ITPR2: variants seen among roughly 807,000 people sequenced by gnomAD.
ITPR2 encodes the protein inositol 1,4,5-trisphosphate-gated calcium channel ITPR2.
Under a neutral mutation model 317.1 loss-of-function variants are expected in ITPR2, and 207 were observed. The ratio of observed to expected loss-of-function variants is 0.65; its 90% CI spans 0.58 to 0.73. ITPR2 has a LOEUF of 0.73. Ranked by LOEUF, ITPR2 falls within the 30% of genes least tolerant of loss-of-function variation. The pLI is 0.00. For synonymous variants in ITPR2, 1,156 were observed against 1,149.1 expected (o/e 1.01, Z -0.12); for missense variants, 2,613 against 3,284.0 (o/e 0.80, Z 4.99).
chr12:26,653,207 C>A (rs556070089), intron 21 of ITPR2, among the ~76,000 whole-genome samples: 11 of 150,078 alleles, frequency 7.3e-5, no homozygotes, highest in South Asian at 2.1e-4. Flanking sequence ...CCTTCTCTGG[C>A]GTGATACTTT....
chr12:26,454,280 T>C (rs909367768), intron 45 of ITPR2, among the ~76,000 whole-genome samples: 1 of 152,148 alleles, frequency 6.6e-6, no homozygotes, highest in Non-Finnish European at 1.5e-5. Context: ...TCTCAGCTGA[T>C]GGCAACCTCT....
In ITPR2 at chr12:26,491,840, G is replaced by A. The variant is rs573758682; in HGVS notation, c.5370+2313C>T. On this transcript the variant is annotated intron_variant, in intron 39 of 56. Coordinates refer to ENST00000381340, the MANE Select transcript of ITPR2 (RefSeq NM_002223.4). ...GAGGCAATGGCAAAAGGAGCAGTGC[G>A]TGTATGGAGAGCAACAGCAGACTCC... 9.2e-5 allele frequency among the ~76,000 whole-genome samples: 14 copies of A among 152,344 alleles called. No homozygotes were observed. The South Asian group carries it at 1.0e-3, about 11-fold the overall frequency.
chr12:26,582,723 G>A (rs1945433666), intron 32 of ITPR2, among the ~76,000 whole-genome samples: 1 of 152,180 alleles, frequency 6.6e-6, no homozygotes, highest in African/African-American at 2.4e-5. Context: ...ATGAGGGTAT[G>A]TAGACAGTTT....
At position 26,338,328 on chromosome 12, in the gene ITPR2, A is replaced by G. The variant is rs1937989052; in HGVS notation, c.*1069T>C. 1 of 152,650 alleles carries G rather than the reference A, an allele frequency of 6.6e-6. No individual in the cohort carries two copies. The highest frequency in any genetic ancestry group is 2.1e-4 in the South Asian group (1 of 4,834). 9.5% of individuals were successfully genotyped at this position (152,650 alleles called of 1,614,324 possible). ...CATTTTGAAAAGCCCTTACAGATAC[A>G]GTTTTAAATATGTAATTGAAATGTG... On this transcript the variant is annotated 3_prime_UTR_variant, in exon 57 of 57. Coordinates refer to ENST00000381340, the MANE Select transcript of ITPR2 (RefSeq NM_002223.4).
rs538418274 is a variant in ITPR2, at chr12:26,594,638, C to T, written c.4380+827G>A. 2.0e-5 allele frequency among the ~76,000 whole-genome samples: 3 copies of T among 152,104 alleles called. No homozygotes were observed. In the East Asian group the frequency reaches 5.8e-4, roughly 29 times the overall value. On this transcript the variant is annotated intron_variant, in intron 32 of 56. Transcript: ENST00000381340. ...ATAGGTCTAAGGAGTTATCTATATACTGTCTTCTTTAGTGAAACTTTATTT... is the reference window on the plus strand; with the variant it reads ...ATAGGTCTAAGGAGTTATCTATATATTGTCTTCTTTAGTGAAACTTTATTT...
chr12:26,567,988 ATATATATATT>A (rs1945039772), intron 34 of ITPR2, among the ~76,000 whole-genome samples: 3 of 111,870 alleles, frequency 2.7e-5, no homozygotes, highest in African/African-American at 1.2e-4. Context: ...TTATATATAT[ATATATATATT>A]ATATATATTA....
chr12:26,593,048 G>A (rs1258199351), intron 32 of ITPR2, among the ~76,000 whole-genome samples: 1 of 152,158 alleles, frequency 6.6e-6, no homozygotes, highest in Non-Finnish European at 1.5e-5. Flanking sequence ...GCCCAGAGGG[G>A]TTAAGTACTT....
At chr12:26,455,830 TGTAA>T (rs1290377200) in intron 45 of ITPR2, among the ~76,000 whole-genome samples, 1 of 152,186 alleles carries the variant, frequency 6.6e-6, no homozygotes, top group Non-Finnish European at 1.5e-5. Flanking sequence ...CTGCCTGCAA[TGTAA>T]GTGTCTTGGG....
At chr12:26,757,443 C>T (rs56235454) in intron 2 of ITPR2, among the ~76,000 whole-genome samples, 1,895 of 152,100 alleles carry the variant, frequency 0.012, 44 homozygotes, top group African/African-American at 0.043. Context: ...CTCGAACTCC[C>T]GACCTCAGGG....
chr12:26,757,218 T>TC (rs1949539876), intron 2 of ITPR2, among the ~76,000 whole-genome samples: 1 of 143,358 alleles, frequency 7.0e-6, no homozygotes, highest in Non-Finnish European at 1.6e-5. Flanking sequence ...TCCTTTACTT[T>TC]CTTTTTTTTT....
At chr12:26,642,732 A>T (rs1331824257) in intron 21 of ITPR2, among the ~76,000 whole-genome samples, 1 of 152,264 alleles carries the variant, frequency 6.6e-6, no homozygotes, top group Non-Finnish European at 1.5e-5. Context: ...TCTGAAAAAC[A>T]GCATTCCAAA....
intron 7 of ITPR2, 59 bp from the exon 8 acceptor site, chr12:26,715,504 C>T (rs1371030661): frequency 2.0e-6 from 3 of 1,497,188 alleles, no homozygotes; most frequent in African/African-American, 2.8e-5. Context: ...GTGTCTCTTT[C>T]TGGTTTTGCT....
intron 12 of ITPR2, 69 bp from the exon 13 acceptor site, chr12:26,682,103 C>T: frequency 1.6e-6 from 2 of 1,246,002 alleles, no homozygotes; most frequent in East Asian, 4.7e-5. Context: ...ACTAACACAT[C>T]TAGTACTGTT....
chr12:26,698,104 A>G (rs1948384335), intron 9 of ITPR2, among the ~76,000 whole-genome samples: 1 of 152,194 alleles, frequency 6.6e-6, no homozygotes, highest in Admixed American at 6.5e-5. Context: ...GGAAGAGAGA[A>G]TAAGTGGAAC....
At chr12:26,730,084 C>T (rs148318924) in intron 2 of ITPR2, among the ~76,000 whole-genome samples, 10 of 152,128 alleles carry the variant, frequency 6.6e-5, no homozygotes, top group African/African-American at 2.4e-4. Context: ...ACCAAGAGTG[C>T]CCAGTTAATG....
intron 2 of ITPR2, among the ~76,000 whole-genome samples, chr12:26,781,993 T>TAG (rs1950087896): frequency 1.4e-4 from 1 of 7,018 alleles, no homozygotes; most frequent in Admixed American, 2.1e-3. Context: ...AACTCCCCTG[T>TAG]ATATATATAT....
intron 34 of ITPR2, among the ~76,000 whole-genome samples, chr12:26,567,047 A>G (rs1945001075): frequency 6.6e-6 from 1 of 152,224 alleles, no homozygotes; most frequent in South Asian, 2.1e-4. Context: ...AATGTTTCTC[A>G]AAACATGTTA....
At chr12:26,720,330 T>C (rs1289517609) in intron 5 of ITPR2, among the ~76,000 whole-genome samples, 1 of 152,214 alleles carries the variant, frequency 6.6e-6, no homozygotes, top group East Asian at 1.9e-4. Flanking sequence ...TGTTAAATAG[T>C]AAAATATCAT....
chr12:26,623,581 A>G (rs1946551864), intron 24 of ITPR2, among the ~76,000 whole-genome samples: 1 of 152,212 alleles, frequency 6.6e-6, no homozygotes, highest in Admixed American at 6.5e-5. Context: ...AGGGTTTGGT[A>G]CTAGCTGTGG....
Sources: allele counts gnomAD v4.1 joint callset (sites outside exome capture counted in the v4.1 genomes callset), GRCh38; gene constraint gnomAD v4.1.1; transcripts MANE v1.5; gene names NCBI Gene and HGNC (gene_info 2026-07-23, HGNC 2026-07-21).